Variants in TMEM87A observed in about 807,000 individuals in gnomAD.
The protein encoded by TMEM87A is Golgi-pH regulating cation channel.
Under a neutral mutation model 90.0 loss-of-function variants are expected in TMEM87A, and 50 were observed. The observed-to-expected ratio is 0.56, with a 90% CI of 0.44 to 0.70. The LOEUF is 0.70. Among genes scored for constraint, TMEM87A ranks in the 30% least tolerant of loss-of-function variants. TMEM87A has a pLI of 0.00. For missense variants in TMEM87A, 577 were observed against 660.5 expected, an observed-to-expected ratio of 0.87 and a Z score of 1.39; for synonymous variants, 226 against 226.7, an observed-to-expected ratio of 1.00 and a Z score of 0.03.
At chr15:42,245,096 A>T (rs377110409) in intron 6 of TMEM87A, among the ~76,000 whole-genome samples, 2 of 152,148 alleles carry the variant, frequency 1.3e-5, no homozygotes, top group South Asian at 2.1e-4. Context: ...CAAACAAAGC[A>T]GACTAAACAA....
intron 15 of TMEM87A, chr15:42,224,685 G>C (rs2050557644): frequency 6.6e-6 from 1 of 152,114 alleles, no homozygotes; most frequent in South Asian, 2.1e-4. Flanking sequence ...AAGAGAATAT[G>C]TTAATTTAAC....
chr15:42,265,032 T>C, intron 3 of TMEM87A, among the ~76,000 whole-genome samples: 1 of 152,212 alleles, frequency 6.6e-6, no homozygotes, highest in Non-Finnish European at 1.5e-5. Flanking sequence ...GGAAATGATC[T>C]CATTCTTTTT....
intron 6 of TMEM87A, among the ~76,000 whole-genome samples, chr15:42,254,034 T>C (rs935352936): frequency 3.3e-5 from 5 of 152,140 alleles, no homozygotes; most frequent in African/African-American, 9.7e-5. Context: ...TTGTTCTCCA[T>C]AACAAAACTA....
chr15:42,255,416 G>A (rs1028595576), intron 6 of TMEM87A, among the ~76,000 whole-genome samples: 11 of 152,058 alleles, frequency 7.2e-5, no homozygotes, highest in African/African-American at 2.4e-4. Flanking sequence ...ACAGATGTGA[G>A]CCACCGCACC....
rs1410787326 is a variant in TMEM87A, at chr15:42,244,096, G to T, written c.576C>A (p.Ser192=). The change falls in exon 7 of 20, where the codon TCC becomes TCA. Residue 192 remains serine (S), a synonymous_variant. Transcript: ENST00000389834. ...AATTTTCTTTTGATGATTCCTTTGA[G>T]GATGAAATGCCAATATGTACAATAA... ...YIFIVHIGIS[S]SKESSKENSL... The T allele has an allele frequency of 6.3e-7, 1 of 1,577,594 alleles. No homozygotes were observed. The highest frequency in any genetic ancestry group is 1.2e-5 in the South Asian group (1 of 83,166).
intron 3 of TMEM87A, among the ~76,000 whole-genome samples, chr15:42,264,699 A>ATATATATATATATATATAT (rs10681614): frequency 2.7e-4 from 29 of 109,416 alleles, no homozygotes; most frequent in African/African-American, 8.3e-4. Context: ...ATATATATAT[A>ATATATATATATATATATAT]TTTTTTTTTT....
chr15:42,229,435 A>G (rs954371668), intron 12 of TMEM87A, among the ~76,000 whole-genome samples: 15 of 152,100 alleles, frequency 9.9e-5, no homozygotes, highest in South Asian at 4.1e-4. Flanking sequence ...AAAAAAAAAG[A>G]CAGAAAATAA....
At chr15:42,271,846 T>A (rs1456582988) in intron 2 of TMEM87A, among the ~76,000 whole-genome samples, 1 of 151,178 alleles carries the variant, frequency 6.6e-6, no homozygotes, top group East Asian at 1.9e-4. Context: ...ATAGTGTATA[T>A]ATGCAATGTA....
At chr15:42,263,893 G>A (rs748727566) in intron 4 of TMEM87A, among the ~76,000 whole-genome samples, 197 bp downstream of exon 4, 6 of 152,178 alleles carry the variant, frequency 3.9e-5, no homozygotes, top group African/African-American at 1.4e-4. Context: ...ATGGGGGTTT[G>A]CTTTTTACAC....
intron 6 of TMEM87A, among the ~76,000 whole-genome samples, chr15:42,252,226 G>A (rs2051100554): frequency 6.6e-6 from 1 of 152,214 alleles, no homozygotes; most frequent in African/African-American, 2.4e-5. Flanking sequence ...GTCCTGCCCT[G>A]CTTCGGCTTG....
At chr15:42,236,229 AT>A in intron 10 of TMEM87A, 90 bp downstream of exon 10, 1 of 1,055,530 alleles carries the variant, frequency 9.5e-7, no homozygotes, top group Non-Finnish European at 1.4e-6. Flanking sequence ...TTTATCAACT[AT>A]TTCAGAACTA....
At chr15:42,268,473 C>T (rs771831973) in intron 2 of TMEM87A, among the ~76,000 whole-genome samples, 161 of 152,136 alleles carry the variant, frequency 1.1e-3, no homozygotes, top group Admixed American at 3.1e-3. Flanking sequence ...CTCAAGACCA[C>T]CCTAGGCAAC....
At chr15:42,246,972 T>C (rs7164480) in intron 6 of TMEM87A, among the ~76,000 whole-genome samples, 144,396 of 152,190 alleles carry the variant, frequency 0.95, 68,921 homozygotes, top group Non-Finnish European at 1. Context: ...CCTGACTTTT[T>C]ACTGATCACC....
intron 4 of TMEM87A, 125 bp downstream of exon 4, chr15:42,263,965 A>G (rs963312863): frequency 3.1e-5 from 21 of 677,282 alleles, no homozygotes; most frequent in Non-Finnish European, 5.1e-5. Context: ...TGTACCTATC[A>G]GAACATGCTT....
chr15:42,259,309 GACGGGGTTTCACC>G (rs2051244817), intron 6 of TMEM87A, among the ~76,000 whole-genome samples: 1 of 152,118 alleles, frequency 6.6e-6, no homozygotes, highest in Non-Finnish European at 1.5e-5. Flanking sequence ...TTTTGGTAGA[GACGGGGTTTCACC>G]ACGTTGGCCA....
chr15:42,217,723 G>T, intron 19 of TMEM87A, 80 bp downstream of exon 19: 4 of 1,410,452 alleles, frequency 2.8e-6, no homozygotes, highest in East Asian at 4.6e-5. Flanking sequence ...CAAATAAAGA[G>T]AATCTCCATG....
At chr15:42,269,691 C>T (rs1353134326) in intron 2 of TMEM87A, among the ~76,000 whole-genome samples, 1 of 151,940 alleles carries the variant, frequency 6.6e-6, no homozygotes, top group African/African-American at 2.4e-5. Flanking sequence ...AATCCCAGCA[C>T]TTTGGGAGGC....
Position 42,261,000 on chromosome 15 carries a change from A to G in TMEM87A, c.462T>C (p.Ala154=). ...AGGTAAGGTTTGTTCCATTCTCCTT[A>G]GCCTTTAAACATTAAAAAAATAATA... ...RLPLLGEKQE[A]KENGTNLTFI... Residue 154 remains alanine (A), a splice_region_variant and synonymous_variant, in exon 6 of 20, where the codon GCT becomes GCC. Transcript: ENST00000389834. The G allele has an allele frequency of 1.3e-6, 2 of 1,554,264 alleles. No individual in the cohort carries two copies. Among genetic ancestry groups the G allele is most frequent in the Non-Finnish European group, 1.7e-6 (2 of 1,156,938 alleles).
At position 42,244,112 on chromosome 15, in the gene TMEM87A, T is replaced by C; in HGVS notation, c.560A>G (p.His187Arg). 1 of 1,581,408 alleles carries C rather than the reference T, an allele frequency of 6.3e-7. No individual in the cohort carries two copies. Residue 187 changes from histidine (H) to arginine (R), a missense_variant, in exon 7 of 20, where the codon CAT becomes CGT. His to Arg is a conservative substitution (Grantham distance 29). Coordinates refer to ENST00000389834, the MANE Select transcript of TMEM87A (RefSeq NM_015497.5). The part of the protein sequence containing the change: ...WQDAPYIFIV[H>R]IGISSSKESS... ...TTCCTTTGAGGATGAAATGCCAATA[T>C]GTACAATAAAAATGTATGGTGCATC... is the stretch of plus-strand genomic sequence containing the variant.
Sources: gnomAD v4.1 joint callset for allele counts (sites outside exome capture counted in the v4.1 genomes callset) on GRCh38, gnomAD v4.1.1 for gene constraint, MANE v1.5 for transcripts, NCBI Gene and HGNC (gene_info 2026-07-23, HGNC 2026-07-21) for gene names.